The following FTSJ3 variants were observed in gnomAD, a reference collection of about 807,000 sequenced individuals.
FTSJ3 encodes the protein pre-rRNA 2'-O-ribose RNA methyltransferase FTSJ3.
Under a neutral mutation model 111.5 loss-of-function variants are expected in FTSJ3, and 46 were observed. That is an observed-to-expected ratio of 0.41 (90% confidence interval 0.33 to 0.53). FTSJ3 has a LOEUF of 0.53. Among genes scored for constraint, FTSJ3 ranks in the 20% least tolerant of loss-of-function variants. The pLI, the probability that FTSJ3 is intolerant of heterozygous loss-of-function variation, is 0.19. For synonymous variants in FTSJ3, 408 were observed against 383.0 expected (o/e 1.07, Z -0.76); for missense variants, 1,075 against 1,063.8 (o/e 1.01, Z -0.15).
At chr17:63,821,315 G>GC in intron 16 of FTSJ3, 39 bp downstream of exon 16, 1 of 1,574,360 alleles carries the variant, frequency 6.4e-7, no homozygotes, top group Non-Finnish European at 8.6e-7. Context: ...TCAAGCCACC[G>GC]CTTCCTTTCC....
intron 15 of FTSJ3, 29 bp from the exon 16 acceptor site, chr17:63,821,672 C>T: frequency 6.2e-7 from 1 of 1,613,796 alleles, no homozygotes; most frequent in Non-Finnish European, 8.5e-7. Flanking sequence ...AGCTGCCCTT[C>T]TCCCAAGGAA....
chr17:63,826,385 C>A, intron 3 of FTSJ3, 81 bp from the exon 4 acceptor site: 3 of 1,362,488 alleles, frequency 2.2e-6, no homozygotes, highest in Non-Finnish European at 3.2e-6. Flanking sequence ...CCTGGTGTTA[C>A]GTGTACTGGC....
chr17:63,826,515 T>A, intron 3 of FTSJ3, 52 bp downstream of exon 3: 1 of 1,472,682 alleles, frequency 6.8e-7, no homozygotes, highest in African/African-American at 1.4e-5. Flanking sequence ...CCATCCCAGC[T>A]CAGAACCCAG....
chr17:63,821,710 G>A lies in FTSJ3; in HGVS notation c.1596+13C>T, dbSNP rs200962773. Reference sequence around the variant, plus strand: ...CTCATCTCCCCGCAGTCTTGCCCCCGGCCTCTCCTTACCTTTGAGAACCAC... The same window carrying A: ...CTCATCTCCCCGCAGTCTTGCCCCCAGCCTCTCCTTACCTTTGAGAACCAC... On this transcript the variant is annotated intron_variant, in intron 15 of 20. Transcript: ENST00000427159. 3.1e-4 allele frequency: 497 copies of A among 1,614,110 alleles called. No individual in the cohort carries two copies. The African/African-American group carries it at 5.7e-3, about 19-fold the overall frequency.
Position 63,820,097 on chromosome 17 carries a change from TTCTC to T in FTSJ3, c.2329_2332del (p.Glu777LysfsTer25). On this transcript the variant is annotated frameshift_variant, in exon 20 of 21. Coordinates refer to ENST00000427159, the MANE Select transcript of FTSJ3 (RefSeq NM_017647.4). LOFTEE classifies it high-confidence loss of function. ...CCATTACCTTCGCAGCTGTGCCACTTTCTCTCGTTCTGAGATGTCCACTGTGTTC... is the reference window on the plus strand; with the variant it reads ...CCATTACCTTCGCAGCTGTGCCACTTTCGTTCTGAGATGTCCACTGTGTTC... The T allele has an allele frequency of 6.2e-7, 1 of 1,614,122 alleles. No homozygotes were observed. Among genetic ancestry groups the T allele is most frequent in the Non-Finnish European group, 8.5e-7 (1 of 1,180,018 alleles).
In FTSJ3 at chr17:63,819,969, T is replaced by C. The variant is rs1277830325; in HGVS notation, c.2377A>G (p.Lys793Glu). 2 of 1,614,198 alleles carry C rather than the reference T, an allele frequency of 1.2e-6. No homozygotes were observed. Among genetic ancestry groups the C allele is most frequent in the Non-Finnish European group, 8.5e-7 (1 of 1,180,018 alleles). ...ACGTAGGTGACATGGCGTTTCTCCT[T>C]GCCAAGCCCAGCCTTCTTGTAGAGA... Reference protein sequence around the residue: ...RSLYKKAGLGKEKRHVTYVVA... With the variant: ...RSLYKKAGLGEEKRHVTYVVA... Residue 793 changes from lysine (K) to glutamate (E), a missense_variant, in exon 21 of 21, where the codon AAG becomes GAG. Coordinates refer to ENST00000427159, the MANE Select transcript of FTSJ3 (RefSeq NM_017647.4).
intron 13 of FTSJ3, among the ~76,000 whole-genome samples, chr17:63,823,377 CGAGGTCAG>C (rs1162576424): frequency 6.6e-6 from 1 of 152,140 alleles, no homozygotes; most frequent in East Asian, 1.9e-4. Context: ...GGGCAGATCA[CGAGGTCAG>C]GAGGTCGAGA....
chr17:63,821,145 C>G (rs1196042435), intron 16 of FTSJ3, 30 bp from the exon 17 acceptor site: 5 of 1,605,888 alleles, frequency 3.1e-6, no homozygotes, highest in Non-Finnish European at 4.3e-6. Context: ...CTGAGTGATT[C>G]CACCACTCTG....
rs2040104310 is a variant in FTSJ3 at position 63,826,386 on chromosome 17, G to A, written c.174-82C>T. 10 of 1,359,934 alleles carry A rather than the reference G, an allele frequency of 7.4e-6. No individual in the cohort carries two copies. In the South Asian group the frequency reaches 9.3e-5, roughly 13 times the overall value. 84.2% of individuals were successfully genotyped at this position (1,359,934 alleles called of 1,614,324 possible). ...ACTGATCTCTCATCCCTGGTGTTAC[G>A]TGTACTGGCCAAAGCATATCATAGG... On this transcript the variant is annotated intron_variant, in intron 3 of 20. Transcript: ENST00000427159.
chr17:63,823,666 G>T, intron 13 of FTSJ3, 151 bp downstream of exon 13: 1 of 732,146 alleles, frequency 1.4e-6, no homozygotes, highest in South Asian at 1.9e-5. Context: ...ATGTTTCTTT[G>T]TGGCCTTATA....
chr17:63,823,161 G>A (rs903808546), intron 13 of FTSJ3, among the ~76,000 whole-genome samples: 1 of 152,160 alleles, frequency 6.6e-6, no homozygotes, highest in Non-Finnish European at 1.5e-5. Flanking sequence ...ACCCTAATGC[G>A]AGTGCTCACT....
chr17:63,820,413 C>G lies in FTSJ3; in HGVS notation c.2098G>C (p.Glu700Gln). ...NRYTFNEDEGELPEWFVQEEK... is the reference protein window; with the variant it reads ...NRYTFNEDEGQLPEWFVQEEK... Reference sequence around the variant, plus strand: ...TCTTGCACAAACCACTCCGGAAGCTCCCCCTCATCCTCATTAAATGTGTAC... The same window carrying G: ...TCTTGCACAAACCACTCCGGAAGCTGCCCCTCATCCTCATTAAATGTGTAC... Residue 700 changes from glutamate to glutamine, a missense_variant, in exon 19 of 21, where the codon GAG becomes CAG. This residue lies in a region of FTSJ3 where 867 missense variants were observed against 796.9 expected (regional missense o/e 1.09). Coordinates refer to ENST00000427159, the MANE Select transcript of FTSJ3 (RefSeq NM_017647.4). 1.2e-6 allele frequency: 2 copies of G among 1,614,122 alleles called. No individual in the cohort carries two copies. Among genetic ancestry groups the G allele is most frequent in the Non-Finnish European group, 1.7e-6 (2 of 1,180,008 alleles).
chr17:63,825,258 G>C lies in FTSJ3; in HGVS notation c.579C>G (p.Ile193Met). 6.2e-7 allele frequency: 1 copy of C among 1,614,214 alleles called. No homozygotes were observed. Among genetic ancestry groups the C allele is most frequent in the African/African-American group, 1.3e-5 (1 of 75,058 alleles). The part of the protein sequence containing the change: ...PQASRHESAE[I>M]FVVCQGFLAP... ...GATGCCCACCTTGGCAGACTACAAA[G>C]ATCTCTGCAGATTCATGGCGAGAGG... Residue 193 changes from isoleucine (I) to methionine (M), a missense_variant, in exon 7 of 21, where the codon ATC (isoleucine) becomes ATG (methionine). Physicochemically the swap from Ile to Met is conservative, Grantham distance 10. This residue lies in a region of FTSJ3 where 208 missense variants were observed against 266.9 expected (regional missense o/e 0.78). Coordinates refer to ENST00000427159, the MANE Select transcript of FTSJ3 (RefSeq NM_017647.4).
rs2040058404 is a variant in FTSJ3, at chr17:63,822,186, CAA to C, written c.1291-20_1291-19del. ...TCTAATAACTGAAGTGTAACAGAAA[CAA>C]AGGTAAACTATTTAAAAGGAAATAT... On this transcript the variant is annotated intron_variant, in intron 13 of 20. Transcript: ENST00000427159. 1 of 1,606,598 alleles carries C rather than the reference CAA, an allele frequency of 6.2e-7. No homozygotes were observed. The highest frequency in any genetic ancestry group is 1.7e-5 in the Admixed American group (1 of 59,644).
In FTSJ3 at chr17:63,819,484, A is replaced by C; in HGVS notation, c.*318T>G. ...ATAGGATGGGGGTGGGGAGGGCTTA[A>C]GTGGCCCACACGTCCAGGTGTAGAC... On this transcript the variant is annotated 3_prime_UTR_variant, in exon 21 of 21. Transcript: ENST00000427159. The C allele has an allele frequency of 3.6e-6, 1 of 276,480 alleles. No homozygotes were observed. Among genetic ancestry groups the C allele is most frequent in the South Asian group, 1.0e-4 (1 of 9,744 alleles). The allele number at this position is 276,480 out of a possible 1,614,324, so 17.1% of individuals were successfully genotyped here.
chr17:63,821,930 C>T, intron 14 of FTSJ3, 54 bp downstream of exon 14: 2 of 1,612,246 alleles, frequency 1.2e-6, no homozygotes, highest in South Asian at 1.1e-5. Context: ...TAGTACCCAC[C>T]CTAACACTTC....
rs772138335 is a variant in FTSJ3, at chr17:63,826,628, G to C, written c.112C>G (p.Arg38Gly). ...SAFKLIQLNR[R>G]FQFLQKARAL... ...CGGGCTTTCTGCAGGAACTGAAAGCGGCGATTGAGCTGGATCAGCTTGAAA... is the reference window on the plus strand; with the variant it reads ...CGGGCTTTCTGCAGGAACTGAAAGCCGCGATTGAGCTGGATCAGCTTGAAA... Residue 38 changes from arginine (R) to glycine (G), a missense_variant, in exon 3 of 21, where the codon CGC (arginine) becomes GGC (glycine). By Grantham distance (125) the Arg-to-Gly change is moderately radical (BLOSUM62 -2). This residue lies in a region of FTSJ3 where 208 missense variants were observed against 266.9 expected (regional missense o/e 0.78). Coordinates refer to ENST00000427159, the MANE Select transcript of FTSJ3 (RefSeq NM_017647.4). 7 of 1,614,012 alleles carry C rather than the reference G, an allele frequency of 4.3e-6. No individual in the cohort carries two copies. The East Asian group carries it at 1.3e-4, about 31-fold the overall frequency.
At position 63,819,927 on chromosome 17, in the gene FTSJ3, C is replaced by G. The variant is rs1205918951; in HGVS notation, c.2419G>C (p.Val807Leu). 4 of 1,614,120 alleles carry G rather than the reference C, an allele frequency of 2.5e-6. No individual in the cohort carries two copies. The African/African-American group carries it at 4.0e-5, about 16-fold the overall frequency. The part of the protein sequence containing the change: ...HVTYVVAKKG[V>L]GRKVRRPAGV... ...GCTGGCCGGCGCACTTTGCGGCCCA[C>G]ACCTTTTTTGGCTACAACGTAGGTG... Residue 807 changes from valine to leucine, a missense_variant, in exon 21 of 21, where the codon GTG becomes CTG. Transcript: ENST00000427159.
Position 63,821,524 on chromosome 17 carries a change from C to CT in FTSJ3, c.1715dup (p.Thr573AspfsTer9). ...CAGTCTTCAAACAGGAAGGGGGTGT[C>CT]TGTGGCAGCTGCTGCTTCTGCTGCT... On this transcript the variant is annotated frameshift_variant, in exon 16 of 21. Transcript: ENST00000427159. LOFTEE classifies it high-confidence loss of function. 6.2e-7 allele frequency: 1 copy of CT among 1,614,126 alleles called. No homozygotes were observed. Among genetic ancestry groups the CT allele is most frequent in the Non-Finnish European group, 8.5e-7 (1 of 1,180,040 alleles).
Sources: allele counts gnomAD v4.1 joint callset (sites outside exome capture counted in the v4.1 genomes callset), GRCh38; gene constraint gnomAD v4.1.1; regional missense constraint gnomAD v4.1.1; transcripts MANE v1.5; gene names NCBI Gene and HGNC (gene_info 2026-07-23, HGNC 2026-07-21).